Variants in ARRB1 observed in about 807,000 individuals in gnomAD.
The protein encoded by ARRB1 is arrestin beta 1, also known as beta-arrestin-1.
A neutral mutation model predicts 56.8 loss-of-function variants in ARRB1; 21 were observed. That is an observed-to-expected ratio of 0.37 (90% CI 0.26 to 0.53). The LOEUF (loss-of-function observed/expected upper bound fraction) is 0.53. Ranked by LOEUF, ARRB1 falls within the 20% of genes least tolerant of loss-of-function variation. The probability of loss-of-function intolerance (pLI) is 0.88; values close to 1 mark genes in which losing one functional copy is unlikely to be tolerated. For missense variants in ARRB1, 424 were observed against 553.7 expected (o/e 0.77, Z 2.35); for synonymous variants, 210 against 218.6 (o/e 0.96, Z 0.35).
At chr11:75,286,492 C>A (rs536302816) in intron 3 of ARRB1, among the ~76,000 whole-genome samples, 7 of 151,634 alleles carry the variant, frequency 4.6e-5, no homozygotes, top group Admixed American at 3.9e-4. Flanking sequence ...CCAGGCTGGT[C>A]TCAAACTCCT....
chr11:75,333,957 C>A (rs1241118511), intron 1 of ARRB1, among the ~76,000 whole-genome samples: 1 of 152,170 alleles, frequency 6.6e-6, no homozygotes, highest in Admixed American at 6.5e-5. Context: ...CCCTCAGGCA[C>A]CAGACCAGCC....
intron 1 of ARRB1, among the ~76,000 whole-genome samples, chr11:75,308,965 TC>T (rs371835987): frequency 6.6e-6 from 1 of 152,252 alleles, no homozygotes; most frequent in Non-Finnish European, 1.5e-5. Flanking sequence ...TTATGTTTAA[TC>T]TCAAGGATAA....
At chr11:75,282,278 G>A (rs1431480859) in intron 5 of ARRB1, 1 of 436,424 alleles carries the variant, frequency 2.3e-6, no homozygotes, top group Non-Finnish European at 4.1e-6. Flanking sequence ...GTCTACTGTG[G>A]TTGGCAGAAT....
chr11:75,264,042 G>A lies in ARRB1; in HGVS notation c.*2121C>T, dbSNP rs1370255428. On this transcript the variant is annotated 3_prime_UTR_variant, in exon 16 of 16. Coordinates refer to ENST00000420843, the MANE Select transcript of ARRB1 (RefSeq NM_004041.5). ...ATCAGCTCTGCGCCTGCCCAGATGAGGTGCAGCCTGCCCAGCAAGCTCTAG... is the reference window on the plus strand; with the variant it reads ...ATCAGCTCTGCGCCTGCCCAGATGAAGTGCAGCCTGCCCAGCAAGCTCTAG... 1 of 152,300 alleles carries A rather than the reference G, an allele frequency of 6.6e-6. No individual in the cohort carries two copies. Among genetic ancestry groups the A allele is most frequent in the Non-Finnish European group, 1.5e-5 (1 of 68,110 alleles). The allele number at this position is 152,300 out of a possible 1,614,324, so 9.4% of individuals were successfully genotyped here.
intron 15 of ARRB1, among the ~76,000 whole-genome samples, chr11:75,267,207 C>T (rs543229337): frequency 2.0e-5 from 3 of 152,306 alleles, no homozygotes; most frequent in East Asian, 1.9e-4. Context: ...TCCGGTGACT[C>T]GATGGCCTTT....
intron 1 of ARRB1, among the ~76,000 whole-genome samples, chr11:75,319,788 C>T (rs1947318351): frequency 6.6e-6 from 1 of 152,086 alleles, no homozygotes. Flanking sequence ...GTAAGGGTCC[C>T]CAGGGGGACC....
At position 75,261,830 on chromosome 11, in the gene ARRB1, G is replaced by A. The variant is rs1312514070; in HGVS notation, c.*4333C>T. On this transcript the variant is annotated 3_prime_UTR_variant, in exon 16 of 16. Transcript: ENST00000420843. The stretch of plus-strand genomic sequence containing the variant: ...GCCGTATAGATGAGGGTTCAGGAGT[G>A]TTTTGGTCCTTTTGAGTTTAAAAAA... 6.6e-6 allele frequency: 1 copy of A among 152,236 alleles called. No homozygotes were observed. Among genetic ancestry groups the A allele is most frequent in the Non-Finnish European group, 1.5e-5 (1 of 68,060 alleles). 9.4% of individuals were successfully genotyped at this position (152,236 alleles called of 1,614,324 possible).
At position 75,260,569 on chromosome 11, in the gene ARRB1, TCTC is replaced by T. The variant is rs1945762138; in HGVS notation, c.*5591_*5593del. 1 of 151,998 alleles carries T rather than the reference TCTC, an allele frequency of 6.6e-6. No homozygotes were observed. Among genetic ancestry groups the T allele is most frequent in the Admixed American group, 6.6e-5 (1 of 15,264 alleles). The allele number at this position is 151,998 out of a possible 1,614,324, so 9.4% of individuals were successfully genotyped here. A position where few individuals can be genotyped will look rare whatever the true frequency, so the allele number is the denominator to read the frequency against. On this transcript the variant is annotated 3_prime_UTR_variant, in exon 16 of 16. Transcript: ENST00000420843. ...CATATGACCACCTATCATACCCACC[TCTC>T]CTATGACCCTTGCAATTGTCCCAGT...
chr11:75,324,630 G>C (rs1947402794), intron 1 of ARRB1, among the ~76,000 whole-genome samples: 1 of 152,098 alleles, frequency 6.6e-6, no homozygotes, highest in African/African-American at 2.4e-5. Context: ...TGTGGAATAG[G>C]GGGCAGCAAG....
At chr11:75,324,981 A>G (rs1314378916) in intron 1 of ARRB1, among the ~76,000 whole-genome samples, 1 of 145,634 alleles carries the variant, frequency 6.9e-6, no homozygotes, top group Non-Finnish European at 1.5e-5. Context: ...TGCAGGTGTC[A>G]GAGACTCAGG....
intron 1 of ARRB1, among the ~76,000 whole-genome samples, chr11:75,321,976 A>G (rs113636971): frequency 0.08 from 12,149 of 152,310 alleles, 755 homozygotes; most frequent in Admixed American, 0.2. Context: ...AACAGAACAC[A>G]GAGCGTTCCT....
At chr11:75,275,123 A>ATTTATTTTAATTTATTTTAT (rs1946167938) in intron 10 of ARRB1, among the ~76,000 whole-genome samples, 2 of 137,958 alleles carry the variant, frequency 1.4e-5, no homozygotes, top group African/African-American at 5.6e-5. Context: ...TTTAATTTAA[A>ATTTATTTTAATTTATTTTAT]TTTATTTTAT....
intron 12 of ARRB1, 59 bp from the exon 13 acceptor site, chr11:75,271,783 A>C (rs1946078817): frequency 6.6e-7 from 1 of 1,520,472 alleles, no homozygotes; most frequent in Non-Finnish European, 8.9e-7. Flanking sequence ...GAGGAAGAAA[A>C]CAAAAAGCAC....
chr11:75,268,535 A>T (rs1945995658), intron 14 of ARRB1, among the ~76,000 whole-genome samples: 2 of 150,036 alleles, frequency 1.3e-5, no homozygotes, highest in Admixed American at 1.3e-4. Context: ...AAAAAAAAAA[A>T]AGAAGAAGAA....
chr11:75,309,197 C>T lies in ARRB1; in HGVS notation c.21-19158G>A, dbSNP rs530511578. 2.0e-5 allele frequency among the ~76,000 whole-genome samples: 3 copies of T among 152,340 alleles called. No individual in the cohort carries two copies. The East Asian group carries it at 5.8e-4, about 30-fold the overall frequency. Reference sequence around the variant, plus strand: ...CGCAGCCAGCATCAAAGTGCTCAGGCAGCCTGCCTGGTGGGCCTGACCCCA... The same window carrying T: ...CGCAGCCAGCATCAAAGTGCTCAGGTAGCCTGCCTGGTGGGCCTGACCCCA... On this transcript the variant is annotated intron_variant, in intron 1 of 15. Coordinates refer to ENST00000420843, the MANE Select transcript of ARRB1 (RefSeq NM_004041.5).
At chr11:75,295,850 G>T (rs1946730019) in intron 1 of ARRB1, among the ~76,000 whole-genome samples, 1 of 152,162 alleles carries the variant, frequency 6.6e-6, no homozygotes, top group Admixed American at 6.5e-5. Flanking sequence ...AGATTTGGGG[G>T]TTCTTACCGG....
At chr11:75,300,241 A>C (rs978287691) in intron 1 of ARRB1, among the ~76,000 whole-genome samples, 13 of 151,936 alleles carry the variant, frequency 8.6e-5, no homozygotes, top group Non-Finnish European at 1.5e-4. Context: ...GAAAGAAAAG[A>C]AAGCTTATCC....
intron 13 of ARRB1, chr11:75,271,248 A>G (rs1946069234): frequency 6.4e-6 from 1 of 155,122 alleles, no homozygotes; most frequent in African/African-American, 2.4e-5. Context: ...TTTGGGGTAC[A>G]TGCATTTTTG....
At chr11:75,269,143 G>A (rs757462414) in intron 13 of ARRB1, 184 bp from the exon 14 acceptor site, 3 of 748,082 alleles carry the variant, frequency 4.0e-6, no homozygotes, top group Non-Finnish European at 7.2e-6. Context: ...GCTGGACGAG[G>A]AGACTTCCTC....
Sources: gnomAD v4.1 joint callset for allele counts (sites outside exome capture counted in the v4.1 genomes callset) on GRCh38, gnomAD v4.1.1 for gene constraint, MANE v1.5 for transcripts, NCBI Gene and HGNC (gene_info 2026-07-23, HGNC 2026-07-21) for gene names.